Variants in IL7 observed in about 807,000 individuals in gnomAD.
The protein encoded by IL7 is interleukin 7, also known as interleukin-7.
Under a neutral mutation model 21.6 loss-of-function variants are expected in IL7, and 3 were observed. That is an observed-to-expected ratio of 0.14 (90% CI 0.06 to 0.36). The LOEUF is 0.36. Ranked by LOEUF, IL7 falls within the 10% of genes least tolerant of loss-of-function variation. The pLI, the probability that IL7 is intolerant of heterozygous loss-of-function variation, is 1.00. For synonymous variants in IL7, 62 were observed against 68.1 expected, an observed-to-expected ratio of 0.91 and a Z score of 0.44; for missense variants, 175 against 200.2, an observed-to-expected ratio of 0.87 and a Z score of 0.76.
At chr8:78,782,436 G>A (rs1430680993) in intron 2 of IL7, among the ~76,000 whole-genome samples, 1 of 152,108 alleles carries the variant, frequency 6.6e-6, no homozygotes, top group Non-Finnish European at 1.5e-5. Flanking sequence ...GTTGCTTTCT[G>A]TTTGCTTTTC....
chr8:78,756,910 T>G (rs1213245780), intron 2 of IL7, among the ~76,000 whole-genome samples: 3 of 151,958 alleles, frequency 2.0e-5, no homozygotes, highest in Non-Finnish European at 4.4e-5. Context: ...TCTTTATTTT[T>G]GCCTTCTTTG....
At chr8:78,711,895 A>T in intron 3 of IL7, 1 of 646,666 alleles carries the variant, frequency 1.5e-6, no homozygotes, top group Admixed American at 2.7e-5. Flanking sequence ...TGGGGAGTAG[A>T]TATCTGATGA....
chr8:78,739,243 T>G (rs1811697170), intron 3 of IL7, among the ~76,000 whole-genome samples: 1 of 152,162 alleles, frequency 6.6e-6, no homozygotes, highest in Non-Finnish European at 1.5e-5. Context: ...CTTTTTAGGT[T>G]TTTTAAAGTG....
At chr8:78,698,351 G>A in intron 3 of IL7, 1 of 1,307,046 alleles carries the variant, frequency 7.7e-7, no homozygotes. Context: ...TCCTTTGTTA[G>A]ATGCTCTGTT....
At chr8:78,795,415 T>C (rs1813822520) in intron 2 of IL7, among the ~76,000 whole-genome samples, 1 of 152,106 alleles carries the variant, frequency 6.6e-6, no homozygotes, top group South Asian at 2.1e-4. Context: ...ATTAGCTGTG[T>C]TCTCTTCCAT....
chr8:78,746,355 C>T (rs188724961), intron 2 of IL7, among the ~76,000 whole-genome samples: 1 of 152,330 alleles, frequency 6.6e-6, no homozygotes, highest in East Asian at 1.9e-4. Flanking sequence ...CCAAGATGAC[C>T]TATTCATGCA....
chr8:78,714,607 C>T (rs1039471129), downstream of IL7, among the ~76,000 whole-genome samples: 1 of 152,156 alleles, frequency 6.6e-6, no homozygotes, highest in Non-Finnish European at 1.5e-5. Flanking sequence ...AGTTTTCTAA[C>T]CCTTCTTTGA....
intron 2 of IL7, among the ~76,000 whole-genome samples, chr8:78,756,178 T>A (rs890198557): frequency 9.9e-5 from 15 of 152,158 alleles, no homozygotes; most frequent in African/African-American, 3.4e-4. Context: ...TTGGGATAAA[T>A]CCCACTTTAT....
intron 3 of IL7, among the ~76,000 whole-genome samples, chr8:78,696,516 G>A (rs1057291134): frequency 3.3e-5 from 5 of 152,190 alleles, no homozygotes; most frequent in African/African-American, 9.7e-5. Flanking sequence ...TGCTATTGAA[G>A]CAGGTGATCA....
intron 2 of IL7, among the ~76,000 whole-genome samples, chr8:78,748,690 T>C (rs1812063495): frequency 6.6e-6 from 1 of 152,168 alleles, no homozygotes; most frequent in Non-Finnish European, 1.5e-5. Flanking sequence ...TTTCAAAGAT[T>C]CAGGAACAGA....
chr8:78,802,579 CA>C (rs1814107053), intron 1 of IL7, among the ~76,000 whole-genome samples: 2 of 151,926 alleles, frequency 1.3e-5, no homozygotes, highest in African/African-American at 4.8e-5. Context: ...TATAGGTGCC[CA>C]CCACAACGCC....
intron 2 of IL7, among the ~76,000 whole-genome samples, chr8:78,767,824 G>T (rs1312842533): frequency 1.3e-5 from 2 of 151,898 alleles, no homozygotes; most frequent in Non-Finnish European, 2.9e-5. Flanking sequence ...ACAATGTGCA[G>T]GTTAGTTACA....
chr8:78,764,748 G>A (rs919338669), intron 2 of IL7, among the ~76,000 whole-genome samples: 10 of 152,212 alleles, frequency 6.6e-5, no homozygotes, highest in African/African-American at 2.4e-4. Flanking sequence ...CATGATGTCA[G>A]TTCTTTCCAA....
rs3070855 is a variant in IL7 at position 78,680,286 on chromosome 8, C to CA, written n.274-4183dup. Among the ~76,000 whole-genome samples the CA allele has an allele frequency of 5.3e-3, 466 of 88,124 alleles. 22 individuals are homozygous for CA. Among genetic ancestry groups the CA allele is most frequent in the African/African-American group, 0.019 (420 of 22,108 alleles). 57.8% of individuals were successfully genotyped at this position (88,124 alleles called of 152,430 possible). On this transcript the variant is annotated intron_variant and non_coding_transcript_variant, in intron 4 of 4. Transcript: ENST00000523959. ...TGGGCGACAGAGCGAGACTCCGTCT[C>CA]AAAAAAAAAAAAAAAAAAAAAAAAA...
In IL7 at chr8:78,736,536, C is replaced by T; in HGVS notation, c.361-9G>A. ...GGTTTTCTTCCTTTAACCTTAAAAACAAAGTCACATTTATAATATTGAATA... is the reference window on the plus strand; with the variant it reads ...GGTTTTCTTCCTTTAACCTTAAAAATAAAGTCACATTTATAATATTGAATA... On this transcript the variant is annotated splice_polypyrimidine_tract_variant and intron_variant, in intron 4 of 5. Coordinates refer to ENST00000263851, the MANE Select transcript of IL7 (RefSeq NM_000880.4). 6.3e-7 allele frequency: 1 copy of T among 1,576,370 alleles called. No individual in the cohort carries two copies. Among genetic ancestry groups the T allele is most frequent in the East Asian group, 2.3e-5 (1 of 44,350 alleles).
At chr8:78,701,705 A>C (rs955495421) in intron 3 of IL7, among the ~76,000 whole-genome samples, 1 of 152,120 alleles carries the variant, frequency 6.6e-6, no homozygotes, top group Non-Finnish European at 1.5e-5. Flanking sequence ...ACGTGAAGGG[A>C]TGTTGAATTT....
At chr8:78,756,397 T>C (rs1812349347) in intron 2 of IL7, among the ~76,000 whole-genome samples, 1 of 151,892 alleles carries the variant, frequency 6.6e-6, no homozygotes, top group Non-Finnish European at 1.5e-5. Context: ...AATTGGCATT[T>C]GTCTTGCTTT....
intron 4 of IL7, among the ~76,000 whole-genome samples, chr8:78,677,592 A>G (rs1254089203): frequency 6.6e-6 from 1 of 152,096 alleles, no homozygotes; most frequent in Non-Finnish European, 1.5e-5. Context: ...TCCTAAAACT[A>G]ATGTATTCTT....
intron 2 of IL7, among the ~76,000 whole-genome samples, chr8:78,767,108 A>G (rs1018689896): frequency 1.3e-5 from 2 of 152,046 alleles, no homozygotes; most frequent in Admixed American, 6.6e-5. Flanking sequence ...CCACTTTCTT[A>G]TAAGTTTTTT....
Sources: gnomAD v4.1 joint callset for allele counts (sites outside exome capture counted in the v4.1 genomes callset) on GRCh38, gnomAD v4.1.1 for gene constraint, MANE v1.5 for transcripts, NCBI Gene and HGNC (gene_info 2026-07-23, HGNC 2026-07-21) for gene names.